Variants in C1QTNF2 observed in about 807,000 individuals in gnomAD.
The protein encoded by C1QTNF2 is complement C1q tumor necrosis factor-related protein 2.
C1QTNF2 carries 15 observed loss-of-function variants against 17.4 expected under a neutral mutation model. The observed-to-expected ratio is 0.86, with a 90% CI of 0.58 to 1.33. C1QTNF2 has a LOEUF of 1.33. Ranked by LOEUF, C1QTNF2 falls within the 40% of genes most tolerant of loss-of-function variation. The pLI, the probability that C1QTNF2 is intolerant of heterozygous loss-of-function variation, is 0.00. For synonymous variants in C1QTNF2, 154 were observed against 163.3 expected (o/e 0.94, Z 0.44); for missense variants, 381 against 392.3 (o/e 0.97, Z 0.24).
Position 160,349,327 on chromosome 5 carries a change from G to T in C1QTNF2, c.699C>A (p.Ala233=). ...FDANTGNHDV[A]SGSTILALKQ... is the part of the protein sequence containing the mutation. ...TGAGAGCCAGGATGGTGGAGCCTGA[G>T]GCCACATCGTGGTTGCCGGTGTTGG... Residue 233 remains alanine (A), a synonymous_variant, in exon 3 of 3, where the codon GCC becomes GCA. Coordinates refer to ENST00000652664, the MANE Select transcript of C1QTNF2 (RefSeq NM_031908.6). This position sits in a 1 kb window ranked among gnomAD's most constrained non-coding sequence, Gnocchi z 4.3. 6.2e-7 allele frequency: 1 copy of T among 1,614,150 alleles called. No homozygotes were observed. Among genetic ancestry groups the T allele is most frequent in the East Asian group, 2.2e-5 (1 of 44,862 alleles).
chr5:160,354,628 A>AGT, intron 2 of C1QTNF2, 140 bp downstream of exon 2: 1 of 306,290 alleles, frequency 3.3e-6, no homozygotes, highest in Non-Finnish European at 5.7e-6. Context: ...ATATATATAT[A>AGT]TATATAGATT....
Position 160,348,025 on chromosome 5 carries a change from G to A in C1QTNF2, c.*1143C>T, listed in dbSNP as rs1341344006. On this transcript the variant is annotated 3_prime_UTR_variant, in exon 3 of 3. Coordinates refer to ENST00000652664, the MANE Select transcript of C1QTNF2 (RefSeq NM_031908.6). ...GTCCACCTCAGCTTCCCAAAGTCCTGGGATTATAGGCATGAGCTACCACAT... is the reference window on the plus strand; with the variant it reads ...GTCCACCTCAGCTTCCCAAAGTCCTAGGATTATAGGCATGAGCTACCACAT... The A allele has an allele frequency of 1.3e-5, 2 of 152,170 alleles. No individual in the cohort carries two copies. The highest frequency in any genetic ancestry group is 2.4e-5 in the African/African-American group (1 of 41,424). The allele number at this position is 152,170 out of a possible 1,614,324, so 9.4% of individuals were successfully genotyped here.
Position 160,360,680 on chromosome 5 carries a change from G to A in C1QTNF2, c.-9-5660C>T, listed in dbSNP as rs867546041. ...CCTAAATTGTCCTTTCTGGGGGTGG[G>A]AAGGTGTTAGTTTAATATGGAAGCC... On this transcript the variant is annotated intron_variant, in intron 1 of 2. Transcript: ENST00000652664. Among the ~76,000 whole-genome samples the A allele has an allele frequency of 5.9e-5, 9 of 152,310 alleles. No homozygotes were observed. The Middle Eastern group carries it at 0.027, about 460-fold the overall frequency.
chr5:160,359,155 AG>A (rs1764105670), intron 1 of C1QTNF2, among the ~76,000 whole-genome samples: 1 of 151,750 alleles, frequency 6.6e-6, no homozygotes, highest in Non-Finnish European at 1.5e-5. Context: ...TTTTTTTCAG[AG>A]GAAAAAACAG....
chr5:160,349,522 C>A lies in C1QTNF2; in HGVS notation c.504G>T (p.Lys168Asn), dbSNP rs1201203373. The A allele has an allele frequency of 1.2e-6, 2 of 1,614,060 alleles. No individual in the cohort carries two copies. The highest frequency in any genetic ancestry group is 1.7e-6 in the Non-Finnish European group (2 of 1,180,024). The change falls in exon 3 of 3, where the codon AAG (lysine) becomes AAT (asparagine). Residue 168 changes from lysine to asparagine, a missense_variant. Transcript: ENST00000652664. This position sits in a 1 kb window ranked among gnomAD's most constrained non-coding sequence, Gnocchi z 4.3. ...KSYPRERLPI[K>N]FDKILMNEGG... ...CCTCGTTCATCAGAATCTTGTCAAA[C>A]TTGATGGGCAGCCGCTCCCGTGGGT...
At position 160,354,799 on chromosome 5, in the gene C1QTNF2, G is replaced by C; in HGVS notation, c.213C>G (p.His71Gln). The change falls in exon 2 of 3, where the codon CAC (histidine) becomes CAG (glutamine). Residue 71 changes from histidine to glutamine, a missense_variant. Transcript: ENST00000652664. ...GFPGKDGQDG[H>Q]DGDRGDSGEE... ...CTCCGCTGTCCCCCCGGTCGCCGTC[G>C]TGTCCATCTTGGCCGTCTTTGCCAG... The C allele has an allele frequency of 1.2e-6, 2 of 1,613,578 alleles. No homozygotes were observed. Among genetic ancestry groups the C allele is most frequent in the Non-Finnish European group, 1.7e-6 (2 of 1,179,956 alleles).
rs79510439 is a variant in C1QTNF2, at chr5:160,362,599, G to C, written c.-9-7579C>G. ...GTCAAGCGCCTGGACACTGGCTGGGGTCGAGGTCCCACTGGCGTTTGAGGA... is the reference window on the plus strand; with the variant it reads ...GTCAAGCGCCTGGACACTGGCTGGGCTCGAGGTCCCACTGGCGTTTGAGGA... On this transcript the variant is annotated intron_variant, in intron 1 of 2. Coordinates refer to ENST00000652664, the MANE Select transcript of C1QTNF2 (RefSeq NM_031908.6). 4.2e-3 allele frequency among the ~76,000 whole-genome samples: 645 copies of C among 152,254 alleles called. 4 individuals are homozygous for C. The highest frequency in any genetic ancestry group is 0.015 in the African/African-American group (609 of 41,544).
At chr5:160,359,808 A>G (rs535334031) in intron 1 of C1QTNF2, among the ~76,000 whole-genome samples, 2 of 152,222 alleles carry the variant, frequency 1.3e-5, no homozygotes, top group African/African-American at 2.4e-5. Flanking sequence ...TCACTCCCCA[A>G]GACCCTCCAA....
Position 160,349,748 on chromosome 5 carries a change from G to A in C1QTNF2, c.278C>T (p.Pro93Leu). The A allele has an allele frequency of 6.5e-7, 1 of 1,536,226 alleles. No individual in the cohort carries two copies. Residue 93 changes from proline to leucine, a missense_variant, in exon 3 of 3, where the codon CCA becomes CTA. Physicochemically the swap from Pro to Leu is moderately conservative, Grantham distance 98. Transcript: ENST00000652664. The surrounding 1 kb of genome is among the most constrained non-coding windows in gnomAD (Gnocchi z 4.3). ...PPGRTGNRGK[P>L]GPKGKAGAIG... ...GGCCCCGGCTTTGCCCTTTGGTCCT[G>A]GCTTTCCCCGGTTACCTGTCCGGCC...
intron 1 of C1QTNF2, among the ~76,000 whole-genome samples, chr5:160,367,298 C>T (rs1475505002): frequency 6.6e-6 from 1 of 152,212 alleles, no homozygotes; most frequent in African/African-American, 2.4e-5. Context: ...ATCTGGGCAG[C>T]ACTGAGCCTG....
chr5:160,356,302 C>T (rs576164599), intron 1 of C1QTNF2, among the ~76,000 whole-genome samples: 1 of 152,356 alleles, frequency 6.6e-6, no homozygotes, highest in South Asian at 2.1e-4. Flanking sequence ...CCTTTTCCCT[C>T]TCTGGGCCTC....
intron 1 of C1QTNF2, among the ~76,000 whole-genome samples, chr5:160,362,027 T>C (rs1413868734): frequency 6.6e-6 from 1 of 152,192 alleles, no homozygotes; most frequent in Non-Finnish European, 1.5e-5. Context: ...CAGCACTGCA[T>C]AGAGTAAGTG....
Position 160,354,994 on chromosome 5 carries a change from G to T in C1QTNF2, c.18C>A (p.Leu6=), listed in dbSNP as rs377762554. 5 of 1,580,304 alleles carry T rather than the reference G, an allele frequency of 3.2e-6. No homozygotes were observed. Among genetic ancestry groups the T allele is most frequent in the African/African-American group, 1.3e-5 (1 of 74,434 alleles). ...CAGCACAGGGGAGGGCACAGGCCAG[G>T]AGCACCCAGGGGATCATGGTGGTTA... MIPWV[L]LACALPCAAD... The change falls in exon 2 of 3, where the codon CTC becomes CTA. Residue 6 remains leucine, a synonymous_variant. Transcript: ENST00000652664.
chr5:160,370,443 C>A (rs1764333361), intron 1 of C1QTNF2, 69 bp downstream of exon 1: 4 of 1,366,084 alleles, frequency 2.9e-6, no homozygotes, highest in Non-Finnish European at 3.8e-6. Context: ...CGCAGCAGTG[C>A]GAGTCCTCCT....
In C1QTNF2 at chr5:160,354,997, C is replaced by T. The variant is rs1480519220; in HGVS notation, c.15G>A (p.Val5=). The change falls in exon 2 of 3, where the codon GTG becomes GTA. Residue 5 remains valine, a synonymous_variant. Transcript: ENST00000652664. Reference sequence around the variant, plus strand: ...CACAGGGGAGGGCACAGGCCAGGAGCACCCAGGGGATCATGGTGGTTACCT... The same window carrying T: ...CACAGGGGAGGGCACAGGCCAGGAGTACCCAGGGGATCATGGTGGTTACCT... MIPW[V]LLACALPCAA... The T allele has an allele frequency of 6.3e-7, 1 of 1,577,012 alleles. No individual in the cohort carries two copies. Among genetic ancestry groups the T allele is most frequent in the South Asian group, 1.2e-5 (1 of 84,792 alleles).
At chr5:160,350,575 G>A (rs1763899181) in intron 2 of C1QTNF2, among the ~76,000 whole-genome samples, 1 of 152,106 alleles carries the variant, frequency 6.6e-6, no homozygotes, top group South Asian at 2.1e-4. Flanking sequence ...GGTGGCATAT[G>A]CCTTTAGCCC....
Position 160,365,431 on chromosome 5 carries a change from G to A in C1QTNF2, c.-10+5081C>T, listed in dbSNP as rs554848829. On this transcript the variant is annotated intron_variant, in intron 1 of 2. Transcript: ENST00000652664. ...AGTAACCCTAAACTTCTGATACAGG[G>A]CCGGGCACAATGTCTCACATCTATA... Among the ~76,000 whole-genome samples, 6 of 152,254 alleles carry A rather than the reference G, an allele frequency of 3.9e-5. No homozygotes were observed. The South Asian group carries it at 1.2e-3, about 32-fold the overall frequency.
chr5:160,355,585 G>A (rs1220285955), intron 1 of C1QTNF2, among the ~76,000 whole-genome samples: 4 of 152,140 alleles, frequency 2.6e-5, no homozygotes, highest in South Asian at 2.1e-4. Context: ...CTTCCTGTGC[G>A]CCAGGCATGT....
intron 1 of C1QTNF2, among the ~76,000 whole-genome samples, chr5:160,369,458 G>C (rs1764309053): frequency 6.6e-6 from 1 of 152,178 alleles, no homozygotes; most frequent in Non-Finnish European, 1.5e-5. Flanking sequence ...AGGAGTAATT[G>C]ATATAATTAC....
Sources: gnomAD v4.1 joint callset for allele counts (sites outside exome capture counted in the v4.1 genomes callset) on GRCh38, gnomAD v4.1.1 for gene constraint, Gnocchi (gnomAD v3.1) non-coding constraint, MANE v1.5 for transcripts, NCBI Gene and HGNC (gene_info 2026-07-23, HGNC 2026-07-21) for gene names.